The following RORB variants were observed in gnomAD, a reference collection of about 807,000 sequenced individuals.
The protein encoded by RORB is RAR related orphan receptor B, also known as nuclear receptor ROR-beta.
In RORB, 6 loss-of-function variants were observed where a neutral mutation model predicts 59.1. That is an observed-to-expected ratio of 0.10 (90% CI 0.06 to 0.20). RORB has a LOEUF of 0.20. RORB is among the 10% of genes least tolerant of loss of function. RORB has a pLI of 1.00. For missense variants in RORB, 320 were observed against 560.5 expected (o/e 0.57, Z 4.33); for synonymous variants, 215 against 204.5 (o/e 1.05, Z -0.44).
At chr9:74,620,986 A>G (rs1163832184) in intron 1 of RORB, among the ~76,000 whole-genome samples, 1 of 152,172 alleles carries the variant, frequency 6.6e-6, no homozygotes, top group Non-Finnish European at 1.5e-5. Flanking sequence ...CATTTTTAGC[A>G]CCACTTTAGA....
chr9:74,645,361 C>A (rs532388533), intron 4 of RORB, among the ~76,000 whole-genome samples: 9 of 152,262 alleles, frequency 5.9e-5, no homozygotes, highest in African/African-American at 1.9e-4. Context: ...TATCACTGGG[C>A]AGGAAGGCAT....
chr9:74,571,876 C>A (rs1407195376), intron 1 of RORB, among the ~76,000 whole-genome samples: 2 of 152,134 alleles, frequency 1.3e-5, no homozygotes, highest in African/African-American at 4.8e-5. Flanking sequence ...CTTCCTCACA[C>A]AAAGAAGCGG....
At chr9:74,654,839 TG>T (rs34772831) in intron 4 of RORB, among the ~76,000 whole-genome samples, 2 of 152,052 alleles carry the variant, frequency 1.3e-5, no homozygotes, top group East Asian at 3.9e-4. Flanking sequence ...CAGCAACTTT[TG>T]GGGGGAAAAA....
At chr9:74,630,698 G>GA (rs1170964200) in intron 2 of RORB, among the ~76,000 whole-genome samples, 2 of 151,722 alleles carry the variant, frequency 1.3e-5, no homozygotes, top group Admixed American at 1.3e-4. Flanking sequence ...ATTACTATAT[G>GA]AAAAAACTAA....
chr9:74,585,557 TAGAC>T (rs1418048779), intron 1 of RORB, among the ~76,000 whole-genome samples: 1 of 152,178 alleles, frequency 6.6e-6, no homozygotes, highest in African/African-American at 2.4e-5. Flanking sequence ...AATTCTGTGT[TAGAC>T]AGAAGGCAGC....
chr9:74,646,719 G>C (rs1275114481), intron 4 of RORB, among the ~76,000 whole-genome samples: 1 of 152,166 alleles, frequency 6.6e-6, no homozygotes, highest in African/African-American at 2.4e-5. Context: ...CACTGTCCTA[G>C]ACTGCCAGGC....
chr9:74,684,968 C>T (rs1017826319), intron 9 of RORB, among the ~76,000 whole-genome samples: 2 of 152,186 alleles, frequency 1.3e-5, no homozygotes, highest in Non-Finnish European at 2.9e-5. Flanking sequence ...TGTTCACTAA[C>T]AATTACACTT....
In RORB at chr9:74,667,166, T is replaced by C. The variant is rs574479038; in HGVS notation, c.1001-625T>C. On this transcript the variant is annotated intron_variant, in intron 7 of 9. Coordinates refer to ENST00000376896, the MANE Select transcript of RORB (RefSeq NM_006914.4). ...AGGGATCAGTGTAGAGATGCAACATTATTTTGCCAAAATACGCAACAGCTA... is the reference window on the plus strand; with the variant it reads ...AGGGATCAGTGTAGAGATGCAACATCATTTTGCCAAAATACGCAACAGCTA... Among the ~76,000 whole-genome samples the C allele has an allele frequency of 3.9e-5, 6 of 152,314 alleles. No individual in the cohort carries two copies. The East Asian group carries it at 1.2e-3, about 29-fold the overall frequency.
intron 4 of RORB, among the ~76,000 whole-genome samples, chr9:74,652,679 T>G (rs1336672710): frequency 6.6e-6 from 1 of 152,312 alleles, no homozygotes; most frequent in East Asian, 1.9e-4. Flanking sequence ...CAGGTCTGCA[T>G]GAAGTAAAAA....
chr9:74,534,815 T>C (rs140494415), intron 1 of RORB, among the ~76,000 whole-genome samples: 1 of 152,178 alleles, frequency 6.6e-6, no homozygotes, highest in Admixed American at 6.6e-5. Context: ...TACCCCAAAG[T>C]GGCTATGTCA....
At chr9:74,683,864 T>C (rs1156935580) in intron 9 of RORB, among the ~76,000 whole-genome samples, 2 of 152,202 alleles carry the variant, frequency 1.3e-5, no homozygotes, top group Admixed American at 1.3e-4. Context: ...AGAGTCATAA[T>C]GTTTTGTGCA....
chr9:74,574,773 T>C (rs1001098821), intron 1 of RORB, among the ~76,000 whole-genome samples: 1 of 152,116 alleles, frequency 6.6e-6, no homozygotes, highest in South Asian at 2.1e-4. Context: ...ACTAGTGATA[T>C]GATTTTCACA....
At chr9:74,675,107 G>A (rs1824414849) in intron 9 of RORB, among the ~76,000 whole-genome samples, 2 of 152,106 alleles carry the variant, frequency 1.3e-5, no homozygotes, top group South Asian at 4.1e-4. Flanking sequence ...ACTGATAGAT[G>A]AAAACCATTT....
Position 74,684,663 on chromosome 9 carries a change from C to G in RORB, c.1225-800C>G, listed in dbSNP as rs181185497. Among the ~76,000 whole-genome samples the G allele has an allele frequency of 1.6e-3, 236 of 152,256 alleles. 6 individuals are homozygous for G. The highest frequency in any genetic ancestry group is 0.014 in the Admixed American group (216 of 15,280). On this transcript the variant is annotated intron_variant, in intron 9 of 9. Transcript: ENST00000376896. The stretch of plus-strand genomic sequence containing the variant: ...ATCTTACATGATACATATATCAAAA[C>G]CTAACAATTGTAAGTGGATATCCTT...
At chr9:74,682,154 T>A (rs887782454) in intron 9 of RORB, among the ~76,000 whole-genome samples, 5 of 151,728 alleles carry the variant, frequency 3.3e-5, no homozygotes, top group Non-Finnish European at 5.9e-5. Context: ...TGTAAAAAAA[T>A]TTTTGTTGCC....
rs192916869 is a variant in RORB, at chr9:74,562,115, G to A, written c.7+64132G>A. ...TGTTTAATTAGATCATTTGCTTAAG[G>A]TGGGGTCTTGCAAATCACTAGTAAT... is the stretch of plus-strand genomic sequence containing the variant. On this transcript the variant is annotated intron_variant, in intron 1 of 9. Transcript: ENST00000376896. 3.9e-5 allele frequency among the ~76,000 whole-genome samples: 6 copies of A among 152,238 alleles called. No homozygotes were observed. The East Asian group carries it at 1.2e-3, about 29-fold the overall frequency.
At chr9:74,678,232 A>C (rs1040048844) in intron 9 of RORB, among the ~76,000 whole-genome samples, 33 of 152,146 alleles carry the variant, frequency 2.2e-4, no homozygotes, top group African/African-American at 7.7e-4. Flanking sequence ...AGTTAAGCCA[A>C]CTCCAGCACC....
At chr9:74,640,492 C>T (rs1257258057) in intron 3 of RORB, among the ~76,000 whole-genome samples, 1 of 151,864 alleles carries the variant, frequency 6.6e-6, no homozygotes, top group East Asian at 1.9e-4. Context: ...ACCACGTTAG[C>T]CAGGATGGTC....
intron 1 of RORB, among the ~76,000 whole-genome samples, chr9:74,510,311 T>G (rs1047302005): frequency 6.6e-6 from 1 of 152,186 alleles, no homozygotes; most frequent in African/African-American, 2.4e-5. Flanking sequence ...GATTGTACAC[T>G]TATCTCAGGT....
Sources: allele counts gnomAD v4.1 joint callset (sites outside exome capture counted in the v4.1 genomes callset), GRCh38; gene constraint gnomAD v4.1.1; transcripts MANE v1.5; gene names NCBI Gene and HGNC (gene_info 2026-07-23, HGNC 2026-07-21).